TCF7L2: variants seen among roughly 807,000 people sequenced by gnomAD.
TCF7L2 encodes the protein transcription factor 7 like 2.
A neutral mutation model predicts 77.9 loss-of-function variants in TCF7L2; 23 were observed. That is an observed-to-expected ratio of 0.30 (90% CI 0.21 to 0.42). The LOEUF (loss-of-function observed/expected upper bound fraction) is 0.42, where lower values mean the gene tolerates loss of function less well. Ranked by LOEUF, TCF7L2 falls within the 10% of genes least tolerant of loss-of-function variation. The pLI is 1.00. For synonymous variants in TCF7L2, 413 were observed against 340.2 expected, an observed-to-expected ratio of 1.21 and a Z score of -2.36; for missense variants, 654 against 793.1, an observed-to-expected ratio of 0.82 and a Z score of 2.11.
intron 5 of TCF7L2, among the ~76,000 whole-genome samples, chr10:113,140,766 A>G (rs1472288177): frequency 1.3e-5 from 2 of 152,006 alleles, no homozygotes; most frequent in Admixed American, 6.5e-5. Flanking sequence ...TGGTTTTCCT[A>G]GATGGTCCCC....
At chr10:112,961,422 A>G (rs1032101263) in intron 3 of TCF7L2, among the ~76,000 whole-genome samples, 1 of 152,084 alleles carries the variant, frequency 6.6e-6, no homozygotes, top group Non-Finnish European at 1.5e-5. Context: ...ACCATCTTTT[A>G]TTCTTCCTTC....
chr10:112,951,319 G>GGGCC (rs2031113229), intron 2 of TCF7L2, 46 bp downstream of exon 2: 1 of 1,011,832 alleles, frequency 9.9e-7, no homozygotes, highest in East Asian at 1.0e-4. Context: ...GCCGCCCCCC[G>GGGCC]GGCCGGCCGC....
At chr10:113,017,464 A>C (rs531630416) in intron 4 of TCF7L2, among the ~76,000 whole-genome samples, 13 of 152,232 alleles carry the variant, frequency 8.5e-5, no homozygotes, top group Non-Finnish European at 1.9e-4. Flanking sequence ...CTTCTTTGCA[A>C]ACTTTACTGC....
chr10:113,000,622 A>G (rs1427452741), intron 4 of TCF7L2, among the ~76,000 whole-genome samples: 3 of 152,178 alleles, frequency 2.0e-5, no homozygotes, highest in Admixed American at 6.5e-5. Flanking sequence ...TGGACAGCGA[A>G]AGCAGTGATG....
intron 13 of TCF7L2, among the ~76,000 whole-genome samples, chr10:113,164,827 C>G (rs1026133627): frequency 6.6e-6 from 1 of 151,668 alleles, no homozygotes; most frequent in African/African-American, 2.4e-5. Context: ...TTCCCTTCCT[C>G]CCTTCTCACC....
chr10:113,048,632 C>G (rs778590948), intron 5 of TCF7L2, among the ~76,000 whole-genome samples: 5 of 152,204 alleles, frequency 3.3e-5, no homozygotes, highest in African/African-American at 4.8e-5. Flanking sequence ...CAGTAACTTG[C>G]TAATCCAACC....
At chr10:113,109,078 C>T (rs1466610313) in intron 5 of TCF7L2, among the ~76,000 whole-genome samples, 1 of 152,206 alleles carries the variant, frequency 6.6e-6, no homozygotes, top group African/African-American at 2.4e-5. Flanking sequence ...CGCGCGTGCA[C>T]ACATGGGCCA....
At chr10:113,144,101 TGTG>T (rs1234483340) in intron 7 of TCF7L2, 76 bp downstream of exon 7, 2 of 19,138 alleles carry the variant, frequency 1.0e-4, no homozygotes, top group Non-Finnish European at 1.6e-4. Context: ...TGTGTGTGTC[TGTG>T]TGTGTGTGTG....
intron 5 of TCF7L2, among the ~76,000 whole-genome samples, chr10:113,109,045 G>T (rs1054502047): frequency 6.6e-6 from 1 of 152,114 alleles, no homozygotes; most frequent in South Asian, 2.1e-4. Flanking sequence ...AATCCCTGCC[G>T]ACAGTGTGTA....
intron 3 of TCF7L2, among the ~76,000 whole-genome samples, chr10:112,953,243 T>C (rs1589603326): frequency 6.6e-6 from 1 of 151,618 alleles, no homozygotes; most frequent in South Asian, 2.1e-4. Flanking sequence ...GGAAGAGAAA[T>C]AATTATTCCC....
chr10:113,103,561 C>T (rs937741297), intron 5 of TCF7L2, among the ~76,000 whole-genome samples: 1 of 152,148 alleles, frequency 6.6e-6, no homozygotes, highest in African/African-American at 2.4e-5. Context: ...TTTGGATGTA[C>T]AGATGCTGGG....
intron 5 of TCF7L2, among the ~76,000 whole-genome samples, chr10:113,105,749 C>G (rs185270076): frequency 2.6e-5 from 4 of 152,164 alleles, no homozygotes; most frequent in Non-Finnish European, 5.9e-5. Flanking sequence ...TCCAGGCAGA[C>G]GACAGTCTCT....
intron 13 of TCF7L2, chr10:113,161,322 T>A: frequency 1.9e-6 from 1 of 523,180 alleles, no homozygotes; most frequent in Non-Finnish European, 3.4e-6. Flanking sequence ...GACTGCAGCG[T>A]CCCTAGGCCT....
intron 12 of TCF7L2, chr10:113,160,599 T>C: frequency 1.3e-6 from 2 of 1,577,388 alleles, no homozygotes; most frequent in Non-Finnish European, 1.7e-6. Flanking sequence ...GTATTTTTTG[T>C]GTTTACCTTA....
At chr10:113,008,402 T>C (rs1260661253) in intron 4 of TCF7L2, among the ~76,000 whole-genome samples, 3 of 152,192 alleles carry the variant, frequency 2.0e-5, no homozygotes, top group African/African-American at 7.2e-5. Context: ...GTAGCGGCAC[T>C]CAGCGTCACC....
intron 4 of TCF7L2, among the ~76,000 whole-genome samples, chr10:113,023,209 GC>G (rs1437866829): frequency 2.6e-5 from 4 of 152,202 alleles, no homozygotes; most frequent in African/African-American, 9.6e-5. Context: ...TTGGCTTTGT[GC>G]CCCGGTGTCT....
intron 5 of TCF7L2, among the ~76,000 whole-genome samples, chr10:113,049,353 T>C (rs1171123543): frequency 6.6e-6 from 1 of 152,022 alleles, no homozygotes; most frequent in Non-Finnish European, 1.5e-5. Context: ...CTCAACAACA[T>C]CGACCCATTA....
intron 13 of TCF7L2, among the ~76,000 whole-genome samples, chr10:113,162,300 T>G (rs2073285693): frequency 6.6e-6 from 1 of 152,038 alleles, no homozygotes; most frequent in Non-Finnish European, 1.5e-5. Context: ...GGTACCTAGT[T>G]TGTTTATTTT....
chr10:113,004,756 T>G (rs1246608757), intron 4 of TCF7L2, among the ~76,000 whole-genome samples: 1 of 152,094 alleles, frequency 6.6e-6, no homozygotes, highest in African/African-American at 2.4e-5. Flanking sequence ...CGCTGCAACC[T>G]CCGCCTCCCG....
Sources: gnomAD v4.1 joint callset for allele counts (sites outside exome capture counted in the v4.1 genomes callset) on GRCh38, gnomAD v4.1.1 for gene constraint, MANE v1.5 for transcripts, NCBI Gene and HGNC (gene_info 2026-07-23, HGNC 2026-07-21) for gene names.